The following GNL1 variants were observed in gnomAD, a reference collection of about 807,000 sequenced individuals.
GNL1 encodes the protein G protein nucleolar 1.
In GNL1, 21 loss-of-function variants were observed where a neutral mutation model predicts 75.2. The observed-to-expected ratio is 0.28, with a 90% CI of 0.20 to 0.40. The LOEUF is 0.40. GNL1 is among the 10% of genes least tolerant of loss of function. The pLI is 1.00. For missense variants in GNL1, 579 were observed against 775.0 expected (o/e 0.75, Z 3.00); for synonymous variants, 287 against 303.4 (o/e 0.95, Z 0.56).
Position 30,544,773 on chromosome 6 carries a change from C to T in GNL1, c.*1299G>A, listed in dbSNP as rs546332443. 3 of 152,226 alleles carry T rather than the reference C, an allele frequency of 2.0e-5. No individual in the cohort carries two copies. Among genetic ancestry groups the T allele is most frequent in the Non-Finnish European group, 2.9e-5 (2 of 68,024 alleles). The allele number at this position is 152,226 out of a possible 1,614,324, so 9.4% of individuals were successfully genotyped here. A position where few individuals can be genotyped will look rare whatever the true frequency, so the allele number is the denominator to read the frequency against. ...CCTTGGTTAACAGGGTCTGTCTGCT[C>T]GCATTAGAGAAACTGCCCAGTGACT... is the stretch of plus-strand genomic sequence containing the variant. On this transcript the variant is annotated 3_prime_UTR_variant, in exon 12 of 12. Coordinates refer to ENST00000376621, the MANE Select transcript of GNL1 (RefSeq NM_005275.5).
rs768976260 is a variant in GNL1, at chr6:30,552,433, G to A, written c.1099+34C>T. ...GAATATGAAAACTCTGTACCTCCTT[G>A]GAGGCCACCACGCACAAGCTGCCAC... is the stretch of plus-strand genomic sequence containing the variant. On this transcript the variant is annotated intron_variant, in intron 8 of 11. Transcript: ENST00000376621. This position sits in a 1 kb window ranked among gnomAD's most constrained non-coding sequence, Gnocchi z 4.5. The A allele has an allele frequency of 6.4e-6, 10 of 1,562,870 alleles. No individual in the cohort carries two copies. Among genetic ancestry groups the A allele is most frequent in the African/African-American group, 4.1e-5 (3 of 74,036 alleles).
chr6:30,552,847 G>A lies in GNL1; in HGVS notation c.905-186C>T, dbSNP rs114647077. On this transcript the variant is annotated intron_variant, in intron 7 of 11. Coordinates refer to ENST00000376621, the MANE Select transcript of GNL1 (RefSeq NM_005275.5). The surrounding 1 kb of genome is among the most constrained non-coding windows in gnomAD (Gnocchi z 4.5). ...CCCTACCCTCCCTGGAATCACGCAC[G>A]TTTCTCTGAGCTTCTGAAAAGTACT... Among the ~76,000 whole-genome samples, 1,304 of 152,274 alleles carry A rather than the reference G, an allele frequency of 8.6e-3. 21 individuals carry two copies. Among genetic ancestry groups the A allele is most frequent in the South Asian group, 0.057 (273 of 4,830 alleles).
rs988237068 is a variant in GNL1 at position 30,541,866 on chromosome 6, G to A, written c.*4206C>T. 1 of 152,102 alleles carries A rather than the reference G, an allele frequency of 6.6e-6. No homozygotes were observed. The highest frequency in any genetic ancestry group is 2.4e-5 in the African/African-American group (1 of 41,410). 9.4% of individuals were successfully genotyped at this position (152,102 alleles called of 1,614,324 possible). ...GTTCCCTCCTGTGACAGAAGCCACC[G>A]GCGCCTGCCTGAGGGCACTCCCCTC... is the stretch of plus-strand genomic sequence containing the variant. On this transcript the variant is annotated 3_prime_UTR_variant, in exon 12 of 12. Coordinates refer to ENST00000376621, the MANE Select transcript of GNL1 (RefSeq NM_005275.5).
At chr6:30,554,988 C>G in intron 3 of GNL1, 67 bp downstream of exon 3, 1 of 1,609,646 alleles carries the variant, frequency 6.2e-7, no homozygotes, top group African/African-American at 1.3e-5. Context: ...ACCCCTCCTT[C>G]CTCACAGTCG....
At chr6:30,550,807 T>C (rs990409030) in intron 8 of GNL1, among the ~76,000 whole-genome samples, 1 of 152,130 alleles carries the variant, frequency 6.6e-6, no homozygotes, top group Admixed American at 6.6e-5. Flanking sequence ...TCCAATCCCC[T>C]GGGCACTCTT....
Position 30,546,221 on chromosome 6 carries a change from C to G in GNL1, c.1675G>C (p.Glu559Gln). The G allele has an allele frequency of 6.4e-7, 1 of 1,560,016 alleles. No homozygotes were observed. Residue 559 changes from glutamate (E) to glutamine (Q), a missense_variant, in exon 12 of 12, where the codon GAG becomes CAG. Physicochemically the swap from Glu to Gln is conservative, Grantham distance 29 (BLOSUM62 2). Transcript: ENST00000376621. This position sits in a 1 kb window ranked among gnomAD's most constrained non-coding sequence, Gnocchi z 5.1. ...AGDEEEEEEE[E>Q]LSSSCEEEGE... is the part of the protein sequence containing the mutation. ...TCCTCCTCACAGGAGCTGCTCAGCTCTTCCTCTTCCTCCTCCTCCTCGTCA... is the reference window on the plus strand; with the variant it reads ...TCCTCCTCACAGGAGCTGCTCAGCTGTTCCTCTTCCTCCTCCTCCTCGTCA...
In GNL1 at chr6:30,556,042, C is replaced by A; in HGVS notation, c.73+89G>T. On this transcript the variant is annotated intron_variant, in intron 1 of 11. Coordinates refer to ENST00000376621, the MANE Select transcript of GNL1 (RefSeq NM_005275.5). This position sits in a 1 kb window ranked among gnomAD's most constrained non-coding sequence, Gnocchi z 5.7. ...TTGACGCGGTCCCACGACCCCCTCC[C>A]ACGATCCCCAGAGGTGCAGCGGGCA... 1 of 1,514,062 alleles carries A rather than the reference C, an allele frequency of 6.6e-7. No individual in the cohort carries two copies. The allele number at this position is 1,514,062 out of a possible 1,614,324, so 93.8% of individuals were successfully genotyped here.
In GNL1 at chr6:30,555,428, G is replaced by A; in HGVS notation, c.239+127C>T. The A allele has an allele frequency of 9.7e-7, 1 of 1,035,462 alleles. No individual in the cohort carries two copies. The highest frequency in any genetic ancestry group is 1.5e-5 in the South Asian group (1 of 67,026). 64.1% of individuals were successfully genotyped at this position (1,035,462 alleles called of 1,614,324 possible). A position where few individuals can be genotyped will look rare whatever the true frequency, so the allele number is the denominator to read the frequency against. On this transcript the variant is annotated intron_variant, in intron 2 of 11. Transcript: ENST00000376621. The surrounding 1 kb of genome is among the most constrained non-coding windows in gnomAD (Gnocchi z 4.3). ...AGACTGTGGCCCGCTGTGGGGAGCC[G>A]AGTGGCTAGCGGAGAACTGTGGCAT... is the stretch of plus-strand genomic sequence containing the variant.
rs1799833669 is a variant in GNL1, at chr6:30,552,320, C to T, written c.1099+147G>A. The T allele has an allele frequency of 1.6e-6, 1 of 609,040 alleles. No homozygotes were observed. The highest frequency in any genetic ancestry group is 2.9e-6 in the Non-Finnish European group (1 of 345,896). 37.7% of individuals were successfully genotyped at this position (609,040 alleles called of 1,614,324 possible). On this transcript the variant is annotated intron_variant, in intron 8 of 11. Transcript: ENST00000376621. This position sits in a 1 kb window ranked among gnomAD's most constrained non-coding sequence, Gnocchi z 4.5. Reference sequence around the variant, plus strand: ...ATGATCCTTCCACTGCAGCAGACGCCTCTTCTGCCTTGCCCACCGCCACTG... The same window carrying T: ...ATGATCCTTCCACTGCAGCAGACGCTTCTTCTGCCTTGCCCACCGCCACTG...
rs978372055 is a variant in GNL1, at chr6:30,553,107, C to G, written c.881G>C (p.Cys294Ser). 5 of 1,613,230 alleles carry G rather than the reference C, an allele frequency of 3.1e-6. No homozygotes were observed. The highest frequency in any genetic ancestry group is 4.2e-6 in the Non-Finnish European group (5 of 1,179,282). The change falls in exon 7 of 12, where the codon TGT becomes TCT. Residue 294 changes from cysteine (C) to serine (S), a missense_variant. Physicochemically the swap from Cys to Ser is moderately radical, Grantham distance 112. Transcript: ENST00000376621. ...ACCTTTCCCCACAGTGATGGCTTCACAGGCTCTCAGCAACTGCTCTGGCCC... is the reference window on the plus strand; with the variant it reads ...ACCTTTCCCCACAGTGATGGCTTCAGAGGCTCTCAGCAACTGCTCTGGCCC... ...ALGPEQLLRACEAITVGKVDL... is the reference protein window; with the variant it reads ...ALGPEQLLRASEAITVGKVDL...
At position 30,547,763 on chromosome 6, in the gene GNL1, G is replaced by GAC. The variant is rs1799539705; in HGVS notation, c.1100-235_1100-234dup. On this transcript the variant is annotated intron_variant, in intron 8 of 11. Transcript: ENST00000376621. This position sits in a 1 kb window ranked among gnomAD's most constrained non-coding sequence, Gnocchi z 5.5. ...CTCTGTTTCTTCATTTTACAGTGTG[G>GAC]ACACCTCCCTACCTCAGGGTGGTCA... 7 of 563,056 alleles carry GAC rather than the reference G, an allele frequency of 1.2e-5. No homozygotes were observed. Among genetic ancestry groups the GAC allele is most frequent in the Non-Finnish European group, 2.2e-5 (7 of 323,808 alleles). The allele number at this position is 563,056 out of a possible 1,614,324, so 34.9% of individuals were successfully genotyped here.
intron 5 of GNL1, among the ~76,000 whole-genome samples, chr6:30,553,892 T>C (rs1333351071): frequency 6.6e-6 from 1 of 152,216 alleles, no homozygotes; most frequent in Admixed American, 6.5e-5. Context: ...TTTTTGTGTG[T>C]GCACAACTAT....
In GNL1 at chr6:30,552,388, G is replaced by A. The variant is rs1360040227; in HGVS notation, c.1099+79C>T. ...GACACCCTGGGGCCTAATGAGACCT[G>A]ATCGCCCTCTCTCTTCTCCGAATAT... On this transcript the variant is annotated intron_variant, in intron 8 of 11. Coordinates refer to ENST00000376621, the MANE Select transcript of GNL1 (RefSeq NM_005275.5). This position sits in a 1 kb window ranked among gnomAD's most constrained non-coding sequence, Gnocchi z 4.5. 3.2e-6 allele frequency: 4 copies of A among 1,255,634 alleles called. No individual in the cohort carries two copies. The African/African-American group carries it at 5.9e-5, about 19-fold the overall frequency. 77.8% of individuals were successfully genotyped at this position (1,255,634 alleles called of 1,614,324 possible). A position where few individuals can be genotyped will look rare whatever the true frequency, so the allele number is the denominator to read the frequency against.
Position 30,548,797 on chromosome 6 carries a change from G to C in GNL1, c.1100-1267C>G, listed in dbSNP as rs1799591278. 6.6e-6 allele frequency among the ~76,000 whole-genome samples: 1 copy of C among 152,008 alleles called. No homozygotes were observed. Among genetic ancestry groups the C allele is most frequent in the Non-Finnish European group, 1.5e-5 (1 of 68,002 alleles). On this transcript the variant is annotated intron_variant, in intron 8 of 11. Coordinates refer to ENST00000376621, the MANE Select transcript of GNL1 (RefSeq NM_005275.5). The surrounding 1 kb of genome is among the most constrained non-coding windows in gnomAD (Gnocchi z 4.2). ...AGGGAGAAAAAAGTTCTCCTTTGAC[G>C]ACCACCACCAGACCTAGTTCTCTGT...
chr6:30,545,948 C>T lies in GNL1; in HGVS notation c.*124G>A. ...TGGAACAGCCGCTCTCACCTCAGTT[C>T]ATCTGGGGAAGGGGCTACAAAGCAA... On this transcript the variant is annotated 3_prime_UTR_variant, in exon 12 of 12. Transcript: ENST00000376621. 1.4e-6 allele frequency: 1 copy of T among 715,952 alleles called. No homozygotes were observed. The highest frequency in any genetic ancestry group is 2.4e-6 in the Non-Finnish European group (1 of 419,066). The allele number at this position is 715,952 out of a possible 1,614,324, so 44.3% of individuals were successfully genotyped here. A position where few individuals can be genotyped will look rare whatever the true frequency, so the allele number is the denominator to read the frequency against.
At position 30,545,753 on chromosome 6, in the gene GNL1, C is replaced by T. The variant is rs1410051427; in HGVS notation, c.*319G>A. ...AAAGGGAGCTGGATTTAGACCTCCC[C>T]TCCCCATGTAGATAACGGGATTCCT... On this transcript the variant is annotated 3_prime_UTR_variant, in exon 12 of 12. Coordinates refer to ENST00000376621, the MANE Select transcript of GNL1 (RefSeq NM_005275.5). 3 of 355,878 alleles carry T rather than the reference C, an allele frequency of 8.4e-6. No individual in the cohort carries two copies. Among genetic ancestry groups the T allele is most frequent in the Non-Finnish European group, 1.5e-5 (3 of 197,270 alleles). 22.0% of individuals were successfully genotyped at this position (355,878 alleles called of 1,614,324 possible).
At position 30,556,258 on chromosome 6, in the gene GNL1, A is replaced by C; in HGVS notation, c.-55T>G. On this transcript the variant is annotated 5_prime_UTR_variant, in exon 1 of 12. Coordinates refer to ENST00000376621, the MANE Select transcript of GNL1 (RefSeq NM_005275.5). This position sits in a 1 kb window ranked among gnomAD's most constrained non-coding sequence, Gnocchi z 5.7. ...CGCCGAGCTCCCGCCGCCTCAACTG[A>C]CTGCCCCCCGGGGCAGCCCCCGCCG... 1 of 1,571,512 alleles carries C rather than the reference A, an allele frequency of 6.4e-7. No homozygotes were observed. The highest frequency in any genetic ancestry group is 8.6e-7 in the Non-Finnish European group (1 of 1,165,626).
Position 30,556,071 on chromosome 6 carries a change from C to T in GNL1, c.73+60G>A, listed in dbSNP as rs1800156002. ...ATCCCCAGAGGTGCAGCGGGCACAC[C>T]CCTCCTTCCAGATGTGCGGAAGCCC... is the stretch of plus-strand genomic sequence containing the variant. On this transcript the variant is annotated intron_variant, in intron 1 of 11. Transcript: ENST00000376621. The surrounding 1 kb of genome is among the most constrained non-coding windows in gnomAD (Gnocchi z 5.7). The T allele has an allele frequency of 3.2e-6, 5 of 1,575,230 alleles. No homozygotes were observed. In the African/African-American group the frequency reaches 5.4e-5, roughly 17 times the overall value.
Position 30,552,197 on chromosome 6 carries a change from C to G in GNL1, c.1099+270G>C. ...CATTCTTTTACTCAGGTATCAATGT[C>G]CTTATTTTTAAAATCAAAGTAACTA... On this transcript the variant is annotated intron_variant, in intron 8 of 11. Coordinates refer to ENST00000376621, the MANE Select transcript of GNL1 (RefSeq NM_005275.5). This position sits in a 1 kb window ranked among gnomAD's most constrained non-coding sequence, Gnocchi z 4.5. 2.2e-6 allele frequency: 1 copy of G among 462,234 alleles called. No individual in the cohort carries two copies. The highest frequency in any genetic ancestry group is 3.8e-6 in the Non-Finnish European group (1 of 260,892). The allele number at this position is 462,234 out of a possible 1,614,324, so 28.6% of individuals were successfully genotyped here.
Sources: allele counts gnomAD v4.1 joint callset (sites outside exome capture counted in the v4.1 genomes callset), GRCh38; gene constraint gnomAD v4.1.1; non-coding constraint Gnocchi (gnomAD v3.1); transcripts MANE v1.5; gene names NCBI Gene and HGNC (gene_info 2026-07-23, HGNC 2026-07-21).